The following YJU2 variants were observed in gnomAD, a reference collection of about 807,000 sequenced individuals.
YJU2 encodes the protein YJU2 splicing factor homolog, also known as splicing factor YJU2.
YJU2 carries 28 observed loss-of-function variants against 39.6 expected under a neutral mutation model. The ratio of observed to expected loss-of-function variants is 0.71; its 90% confidence interval spans 0.52 to 0.97. The LOEUF (loss-of-function observed/expected upper bound fraction) is 0.97. YJU2 is among the 50% of genes least tolerant of loss of function. The probability of loss-of-function intolerance (pLI) is 0.00; values close to 1 mark genes in which losing one functional copy is unlikely to be tolerated. For missense variants in YJU2, 328 were observed against 430.4 expected (o/e 0.76, Z 2.11); for synonymous variants, 184 against 182.4 (o/e 1.01, Z -0.07).
At chr19:4,264,510 C>CA (rs1049735388) in intron 6 of YJU2, among the ~76,000 whole-genome samples, 16 of 147,544 alleles carry the variant, frequency 1.1e-4, no homozygotes, top group Admixed American at 3.4e-4. Flanking sequence ...TTTTTTTAGA[C>CA]AGTTTCACTC....
chr19:4,249,025 A>G (rs556105407), intron 1 of YJU2, among the ~76,000 whole-genome samples: 3 of 152,176 alleles, frequency 2.0e-5, no homozygotes, highest in African/African-American at 4.8e-5. Flanking sequence ...TGCGTCCTGT[A>G]TAACTCCACT....
intron 3 of YJU2, 45 bp downstream of exon 3, chr19:4,251,216 C>G (rs772948307): frequency 1.2e-6 from 2 of 1,600,030 alleles, no homozygotes; most frequent in African/African-American, 2.7e-5. Flanking sequence ...CCCCAGCACA[C>G]CTCAGATCAG....
At position 4,247,114 on chromosome 19, in the gene YJU2, C is replaced by A; in HGVS notation, c.-33C>A. 1 of 1,610,644 alleles carries A rather than the reference C, an allele frequency of 6.2e-7. No individual in the cohort carries two copies. The highest frequency in any genetic ancestry group is 8.5e-7 in the Non-Finnish European group (1 of 1,176,808). ...CGATAATTACCCAGCCTAACCATTTCTCAGGTGCTTGCGAGGTGATCAGAA... is the reference window on the plus strand; with the variant it reads ...CGATAATTACCCAGCCTAACCATTTATCAGGTGCTTGCGAGGTGATCAGAA... On this transcript the variant is annotated 5_prime_UTR_variant, in exon 1 of 8. Transcript: ENST00000262962.
intron 4 of YJU2, among the ~76,000 whole-genome samples, chr19:4,256,620 G>A (rs1971023318): frequency 6.6e-6 from 1 of 152,206 alleles, no homozygotes. Context: ...TGAGAGTCAG[G>A]CATCCAGAAG....
chr19:4,249,089 G>A, intron 1 of YJU2, 139 bp from the exon 2 acceptor site: 1 of 614,966 alleles, frequency 1.6e-6, no homozygotes, highest in Non-Finnish European at 3.0e-6. Context: ...ACTGAGTCCT[G>A]CGAGTCCTCC....
intron 5 of YJU2, among the ~76,000 whole-genome samples, 180 bp downstream of exon 5, chr19:4,258,603 G>C (rs890203192): frequency 2.0e-5 from 3 of 152,244 alleles, no homozygotes; most frequent in African/African-American, 7.2e-5. Flanking sequence ...GCCACTGCCG[G>C]GCACGGTGAC....
At chr19:4,268,467 C>T in intron 7 of YJU2, 117 bp from the exon 8 acceptor site, 1 of 661,840 alleles carries the variant, frequency 1.5e-6, no homozygotes, top group Admixed American at 2.5e-5. Flanking sequence ...AAGGCCAGGC[C>T]ATTCACATGC....
Position 4,254,544 on chromosome 19 carries a change from T to C in YJU2, c.405+55T>C, listed in dbSNP as rs1441847970. 3 of 1,492,846 alleles carry C rather than the reference T, an allele frequency of 2.0e-6. No individual in the cohort carries two copies. The Admixed American group carries it at 7.2e-5, about 36-fold the overall frequency. 92.5% of individuals were successfully genotyped at this position (1,492,846 alleles called of 1,614,324 possible). A position where few individuals can be genotyped will look rare whatever the true frequency, so the allele number is the denominator to read the frequency against. On this transcript the variant is annotated intron_variant, in intron 4 of 7. Transcript: ENST00000262962. ...GGCGCTGTGTGTGTGGGTGTGTGTGTGTGCCAATGGTTGTGCCCTTCCTGC... is the reference window on the plus strand; with the variant it reads ...GGCGCTGTGTGTGTGGGTGTGTGTGCGTGCCAATGGTTGTGCCCTTCCTGC...
chr19:4,260,701 CCTCCCGT>C (rs1049440624), intron 5 of YJU2, among the ~76,000 whole-genome samples: 8 of 150,714 alleles, frequency 5.3e-5, no homozygotes, highest in South Asian at 2.1e-4. Context: ...CTCAAGCGAT[CCTCCCGT>C]CTCAGCGTCC....
intron 3 of YJU2, among the ~76,000 whole-genome samples, chr19:4,253,222 C>T (rs1970992022): frequency 1.3e-5 from 2 of 150,944 alleles, no homozygotes; most frequent in Admixed American, 1.3e-4. Context: ...CACACACACA[C>T]ACACACACAC....
At chr19:4,247,750 G>A (rs1970942811) in intron 1 of YJU2, among the ~76,000 whole-genome samples, 1 of 150,726 alleles carries the variant, frequency 6.6e-6, no homozygotes, top group African/African-American at 2.4e-5. Context: ...GCCTTACAGT[G>A]GCCAAGATTT....
At chr19:4,259,510 G>T (rs1027838016) in intron 5 of YJU2, among the ~76,000 whole-genome samples, 1 of 152,134 alleles carries the variant, frequency 6.6e-6, no homozygotes, top group Non-Finnish European at 1.5e-5. Flanking sequence ...CTTCTGGGTA[G>T]CTGGGACCAC....
In YJU2 at chr19:4,254,367, AAC is replaced by A. The variant is rs1406826783; in HGVS notation, c.287_288del (p.Thr96ArgfsTer15). On this transcript the variant is annotated frameshift_variant, in exon 4 of 8. Coordinates refer to ENST00000262962, the MANE Select transcript of YJU2 (RefSeq NM_018074.6). LOFTEE classifies it high-confidence loss of function. ...AEITFKTDPENTDYTMEHGAT... is the reference protein window; with the variant it reads ...AEITFKTDPEXTDYTMEHGAT... ...ATCCTCCCTGCAGACAGACCCTGAA[AAC>A]ACAGACTACACCATGGAGCATGGAG... 2 of 1,613,408 alleles carry A rather than the reference AAC, an allele frequency of 1.2e-6. No individual in the cohort carries two copies. Among genetic ancestry groups the A allele is most frequent in the Non-Finnish European group, 1.7e-6 (2 of 1,179,730 alleles).
At chr19:4,252,561 G>A (rs550196346) in intron 3 of YJU2, among the ~76,000 whole-genome samples, 5 of 152,132 alleles carry the variant, frequency 3.3e-5, no homozygotes, top group Non-Finnish European at 5.9e-5. Context: ...CTGAGATCGC[G>A]CCACTGCACT....
At chr19:4,258,641 G>A (rs758395796) in intron 5 of YJU2, among the ~76,000 whole-genome samples, 11 of 152,234 alleles carry the variant, frequency 7.2e-5, no homozygotes, top group Non-Finnish European at 1.3e-4. Context: ...GCATGGCTGC[G>A]GTTTGTCACA....
At chr19:4,259,345 C>T (rs1214115084) in intron 5 of YJU2, among the ~76,000 whole-genome samples, 1 of 151,980 alleles carries the variant, frequency 6.6e-6, no homozygotes, top group Non-Finnish European at 1.5e-5. Flanking sequence ...TCCCAAAGTG[C>T]TGGGATTGCA....
chr19:4,247,464 C>A, intron 1 of YJU2: 1 of 293,734 alleles, frequency 3.4e-6, no homozygotes, highest in Non-Finnish European at 6.4e-6. Flanking sequence ...GCGGGGCTTC[C>A]TTAAATGCTG....
At chr19:4,250,084 C>A (rs1312649852) in intron 2 of YJU2, among the ~76,000 whole-genome samples, 1 of 152,118 alleles carries the variant, frequency 6.6e-6, no homozygotes, top group Non-Finnish European at 1.5e-5. Flanking sequence ...TCCGGGAGGC[C>A]TCCATCATCC....
intron 3 of YJU2, 23 bp downstream of exon 3, chr19:4,251,194 C>T: frequency 6.2e-7 from 1 of 1,609,860 alleles, no homozygotes; most frequent in South Asian, 1.1e-5. Flanking sequence ...GCCGGCCAGG[C>T]CGGTCCCTCT....
Sources: gnomAD v4.1 joint callset for allele counts (sites outside exome capture counted in the v4.1 genomes callset) on GRCh38, gnomAD v4.1.1 for gene constraint, MANE v1.5 for transcripts, NCBI Gene and HGNC (gene_info 2026-07-23, HGNC 2026-07-21) for gene names.